The following MTMR2 variants were observed in gnomAD, a reference collection of about 807,000 sequenced individuals.
MTMR2 encodes myotubularin related protein 2.
Under a neutral mutation model 86.9 loss-of-function variants are expected in MTMR2, and 55 were observed. The ratio of observed to expected loss-of-function variants is 0.63; its 90% CI spans 0.51 to 0.79. The LOEUF (loss-of-function observed/expected upper bound fraction) is 0.79, where lower values mean the gene tolerates loss of function less well. Ranked by LOEUF, MTMR2 falls within the 30% of genes least tolerant of loss-of-function variation. MTMR2 has a pLI of 0.00. For synonymous variants in MTMR2, 241 were observed against 266.8 expected (o/e 0.90, Z 0.94); for missense variants, 659 against 772.3 (o/e 0.85, Z 1.74).
rs951220118 is a variant in MTMR2, at chr11:95,862,057, C to T, written c.403G>A (p.Val135Ile). The change falls in exon 5 of 15, where the codon GTA becomes ATA. Residue 135 changes from valine to isoleucine, a missense_variant. Transcript: ENST00000346299. ...LDASLGVINR[V>I]EKIGGASSRG... ...CTAGAAGCACCACCAATTTTTTCTA[C>T]TCTATTTATCACACCAAGGGAAGCA... is the stretch of plus-strand genomic sequence containing the variant. The T allele has an allele frequency of 4.3e-6, 7 of 1,613,828 alleles. No homozygotes were observed. In the African/African-American group the frequency reaches 8.0e-5, roughly 18 times the overall value.
At chr11:95,857,690 A>C in intron 6 of MTMR2, 55 bp from the exon 7 acceptor site, 2 of 1,154,568 alleles carry the variant, frequency 1.7e-6, no homozygotes, top group Non-Finnish European at 2.6e-6. Flanking sequence ...AAAGGTAATG[A>C]ATCAGAAATG....
intron 2 of MTMR2, among the ~76,000 whole-genome samples, chr11:95,878,300 G>T (rs899853168): frequency 2.7e-5 from 4 of 150,698 alleles, no homozygotes; most frequent in African/African-American, 7.3e-5. Context: ...AGGGGAAAAT[G>T]AAAGAGGTGA....
intron 12 of MTMR2, 66 bp from the exon 13 acceptor site, chr11:95,838,273 G>A: frequency 1.1e-6 from 1 of 870,094 alleles, no homozygotes; most frequent in Admixed American, 1.7e-5. Context: ...CCCTGTCATG[G>A]GTAGATCCTT....
intron 2 of MTMR2, among the ~76,000 whole-genome samples, chr11:95,881,239 T>G (rs1865311377): frequency 6.6e-6 from 1 of 152,092 alleles, no homozygotes; most frequent in African/African-American, 2.4e-5. Context: ...AACATCAGTC[T>G]GTTTCTAAAC....
chr11:95,921,952 G>A (rs759291673), intron 1 of MTMR2, among the ~76,000 whole-genome samples: 9 of 152,058 alleles, frequency 5.9e-5, no homozygotes, highest in Non-Finnish European at 1.3e-4. Flanking sequence ...TGTTCAAGTG[G>A]CACCGTTAGG....
chr11:95,901,328 C>T (rs1591038323), intron 1 of MTMR2, among the ~76,000 whole-genome samples: 1 of 152,258 alleles, frequency 6.6e-6, no homozygotes, highest in East Asian at 1.9e-4. Context: ...ACTGCCAACA[C>T]CTTTCAAGGA....
intron 1 of MTMR2, among the ~76,000 whole-genome samples, chr11:95,911,201 T>G (rs1207814304): frequency 1.3e-5 from 2 of 152,138 alleles, no homozygotes; most frequent in Non-Finnish European, 2.9e-5. Flanking sequence ...TGTTGGCACT[T>G]AGTTTGGAAA....
Position 95,841,622 on chromosome 11 carries a change from T to A in MTMR2, c.1474A>T (p.Arg492Ter), listed in dbSNP as rs1343737399. 3.7e-6 allele frequency: 6 copies of A among 1,609,552 alleles called. No homozygotes were observed. The highest frequency in any genetic ancestry group is 5.1e-6 in the Non-Finnish European group (6 of 1,175,996). The change falls in exon 12 of 15, where the codon AGA becomes TGA. Residue 492 changes from arginine (R) to a stop codon, truncating the protein, a stop_gained. Coordinates refer to ENST00000346299, the MANE Select transcript of MTMR2 (RefSeq NM_016156.6). LOFTEE classifies it high-confidence loss of function. ...QFIDCVWQMT[R>*]QFPTAFEFNE... ...ACATAGGCCAGATAAATTACCTGTC[T>A]TGTCATCTGCCAGACACAGTCAATA...
chr11:95,899,688 G>A (rs1485586334), intron 1 of MTMR2, among the ~76,000 whole-genome samples: 3 of 151,878 alleles, frequency 2.0e-5, no homozygotes, highest in East Asian at 3.9e-4. Flanking sequence ...AATATGACTG[G>A]GAAAAGCTGA....
At chr11:95,859,642 T>C (rs889859938) in intron 5 of MTMR2, among the ~76,000 whole-genome samples, 2 of 152,192 alleles carry the variant, frequency 1.3e-5, no homozygotes, top group Admixed American at 6.5e-5. Context: ...CTGGGCAACA[T>C]AGTGAGACCT....
At chr11:95,854,135 T>G (rs753073071) in intron 7 of MTMR2, among the ~76,000 whole-genome samples, 4 of 152,096 alleles carry the variant, frequency 2.6e-5, no homozygotes, top group African/African-American at 4.8e-5. Flanking sequence ...CCGACACACC[T>G]ATCTTCACTA....
chr11:95,887,410 G>A (rs1281761252), intron 2 of MTMR2, among the ~76,000 whole-genome samples: 4 of 150,606 alleles, frequency 2.7e-5, no homozygotes, highest in South Asian at 2.1e-4. Flanking sequence ...TTATTGTTTC[G>A]TGTTTTTTGG....
intron 9 of MTMR2, among the ~76,000 whole-genome samples, chr11:95,848,682 T>G (rs558696494): frequency 5.7e-4 from 87 of 152,166 alleles, no homozygotes; most frequent in African/African-American, 2.0e-3. Flanking sequence ...GAGCAGTAAA[T>G]TATACAAAAT....
chr11:95,920,400 C>T, intron 1 of MTMR2, among the ~76,000 whole-genome samples: 1 of 152,180 alleles, frequency 6.6e-6, no homozygotes, highest in South Asian at 2.1e-4. Flanking sequence ...CTTGGCCTCC[C>T]AGGTTCAAGT....
rs1210182702 is a variant in MTMR2, at chr11:95,881,410, AT to A, written c.186+6745del. ...CAAGTTCTGCAAAACAAACTTTTGA[AT>A]TTTTTTGGAATTATATTCAATTAAC... On this transcript the variant is annotated intron_variant, in intron 2 of 14. Transcript: ENST00000346299. Among the ~76,000 whole-genome samples, 6 of 152,172 alleles carry A rather than the reference AT, an allele frequency of 3.9e-5. 1 individual carries two copies. In the Middle Eastern group the frequency reaches 0.017, roughly 431 times the overall value.
intron 7 of MTMR2, among the ~76,000 whole-genome samples, chr11:95,853,983 T>C (rs1201620832): frequency 6.6e-6 from 1 of 152,066 alleles, no homozygotes; most frequent in Non-Finnish European, 1.5e-5. Context: ...ACTTCCCATA[T>C]CCTTGTAAAA....
At chr11:95,918,742 C>T (rs1423331746) in intron 1 of MTMR2, among the ~76,000 whole-genome samples, 3 of 152,176 alleles carry the variant, frequency 2.0e-5, no homozygotes, top group African/African-American at 4.8e-5. Flanking sequence ...GCAGACATGC[C>T]AAGAGTGACA....
intron 1 of MTMR2, among the ~76,000 whole-genome samples, chr11:95,910,911 G>A (rs1365960296): frequency 1.3e-5 from 2 of 151,946 alleles, no homozygotes; most frequent in Non-Finnish European, 2.9e-5. Flanking sequence ...CCTGCAGTGT[G>A]TATAAAACAT....
At chr11:95,889,442 A>C (rs1865633261) in intron 1 of MTMR2, among the ~76,000 whole-genome samples, 1 of 145,200 alleles carries the variant, frequency 6.9e-6, no homozygotes, top group Non-Finnish European at 1.5e-5. Flanking sequence ...CAAACTTTCG[A>C]TACCTGATCA....
Sources: allele counts gnomAD v4.1 joint callset (sites outside exome capture counted in the v4.1 genomes callset), GRCh38; gene constraint gnomAD v4.1.1; transcripts MANE v1.5; gene names NCBI Gene and HGNC (gene_info 2026-07-23, HGNC 2026-07-21).